Variants in CREBL2 observed in about 807,000 individuals in gnomAD.
CREBL2 encodes the protein cAMP-responsive element-binding protein-like 2.
A neutral mutation model predicts 19.5 loss-of-function variants in CREBL2; 4 were observed. The ratio of observed to expected loss-of-function variants is 0.20; its 90% CI spans 0.10 to 0.47. The LOEUF (loss-of-function observed/expected upper bound fraction) is 0.47. Ranked by LOEUF, CREBL2 falls within the 20% of genes least tolerant of loss-of-function variation. CREBL2 has a pLI of 0.98. For missense variants in CREBL2, 85 were observed against 145.1 expected, an observed-to-expected ratio of 0.59 and a Z score of 2.13; for synonymous variants, 42 against 46.6, an observed-to-expected ratio of 0.90 and a Z score of 0.40.
At chr12:12,616,187 G>A (rs1945310370) in intron 1 of CREBL2, among the ~76,000 whole-genome samples, 1 of 152,074 alleles carries the variant, frequency 6.6e-6, no homozygotes, top group South Asian at 2.1e-4. Flanking sequence ...ACAACTTTCT[G>A]AAAGTCTTCA....
chr12:12,638,779 T>C (rs1945495783), intron 3 of CREBL2, among the ~76,000 whole-genome samples: 1 of 152,220 alleles, frequency 6.6e-6, no homozygotes, highest in Admixed American at 6.5e-5. Context: ...CCTCACCTAA[T>C]CCAGGCTGTC....
intron 1 of CREBL2, among the ~76,000 whole-genome samples, chr12:12,616,638 T>G (rs946556272): frequency 1.3e-5 from 2 of 152,240 alleles, no homozygotes; most frequent in African/African-American, 4.8e-5. Context: ...TGTGAAACTG[T>G]CCTTATATAA....
intron 1 of CREBL2, among the ~76,000 whole-genome samples, chr12:12,624,181 C>G (rs1404095912): frequency 6.6e-6 from 1 of 152,172 alleles, no homozygotes; most frequent in Non-Finnish European, 1.5e-5. Flanking sequence ...GAGGTCTTTT[C>G]TTGAACTCGA....
chr12:12,627,671 T>C (rs1945412756), intron 1 of CREBL2, among the ~76,000 whole-genome samples: 1 of 152,248 alleles, frequency 6.6e-6, no homozygotes, highest in Non-Finnish European at 1.5e-5. Context: ...TCATGAGTAA[T>C]GGTGCTGTGA....
chr12:12,639,791 C>T (rs1267999621), intron 3 of CREBL2, among the ~76,000 whole-genome samples: 1 of 152,148 alleles, frequency 6.6e-6, no homozygotes, highest in African/African-American at 2.4e-5. Flanking sequence ...CCAGGGGTGA[C>T]ATCACATATC....
At position 12,612,126 on chromosome 12, in the gene CREBL2, G is replaced by A. The variant is rs1013557270; in HGVS notation, c.-47G>A. 3 of 1,606,290 alleles carry A rather than the reference G, an allele frequency of 1.9e-6. No individual in the cohort carries two copies. The highest frequency in any genetic ancestry group is 1.7e-5 in the Admixed American group (1 of 59,948). On this transcript the variant is annotated 5_prime_UTR_variant, in exon 1 of 4. Transcript: ENST00000228865. Reference sequence around the variant, plus strand: ...CCGGGCCAGGCCGGCTGAGCCGGGGGAGGGCTCCGGGAGGGAGTGCCTGGC... The same window carrying A: ...CCGGGCCAGGCCGGCTGAGCCGGGGAAGGGCTCCGGGAGGGAGTGCCTGGC...
chr12:12,622,975 T>C (rs1199237682), intron 1 of CREBL2, among the ~76,000 whole-genome samples: 2 of 152,332 alleles, frequency 1.3e-5, no homozygotes, highest in Admixed American at 1.3e-4. Context: ...CTTGAAACTT[T>C]TATTAGTTGC....
Position 12,617,630 on chromosome 12 carries a change from C to G in CREBL2, c.15+5443C>G, listed in dbSNP as rs566452465. 9.6e-4 allele frequency among the ~76,000 whole-genome samples: 70 copies of G among 72,650 alleles called. 1 individual carries two copies. The South Asian group carries it at 0.031, about 32-fold the overall frequency. 47.7% of individuals were successfully genotyped at this position (72,650 alleles called of 152,430 possible). The stretch of plus-strand genomic sequence containing the variant: ...CGGTGCAGTAGGTCCCTGAGATGCT[C>G]ATTTTAGTAATTCTTTTTTTTTTTT... On this transcript the variant is annotated intron_variant, in intron 1 of 3. Coordinates refer to ENST00000228865, the MANE Select transcript of CREBL2 (RefSeq NM_001310.4).
At chr12:12,635,062 T>G (rs1396436419) in intron 1 of CREBL2, among the ~76,000 whole-genome samples, 2 of 150,340 alleles carry the variant, frequency 1.3e-5, no homozygotes, top group African/African-American at 4.9e-5. Flanking sequence ...CGAGAACCTG[T>G]CTCAAAAAAA....
Position 12,642,215 on chromosome 12 carries a change from T to C in CREBL2, c.*217T>C. 2 of 388,338 alleles carry C rather than the reference T, an allele frequency of 5.2e-6. No homozygotes were observed. Among genetic ancestry groups the C allele is most frequent in the Non-Finnish European group, 9.2e-6 (2 of 216,464 alleles). 24.1% of individuals were successfully genotyped at this position (388,338 alleles called of 1,614,324 possible). On this transcript the variant is annotated 3_prime_UTR_variant, in exon 4 of 4. Coordinates refer to ENST00000228865, the MANE Select transcript of CREBL2 (RefSeq NM_001310.4). ...AAATCTACAAACATTCAGACCTGTC[T>C]GGGTTGGTATTGCCACCCATGACAT...
chr12:12,624,897 C>T (rs1945389243), intron 1 of CREBL2, among the ~76,000 whole-genome samples: 1 of 152,128 alleles, frequency 6.6e-6, no homozygotes, highest in East Asian at 1.9e-4. Flanking sequence ...GATTTTATTG[C>T]TGATGAAAGT....
intron 1 of CREBL2, 152 bp from the exon 2 acceptor site, chr12:12,635,625 C>A (rs1945469215): frequency 4.0e-6 from 3 of 755,446 alleles, no homozygotes; most frequent in Non-Finnish European, 6.1e-6. Flanking sequence ...GGGAAAGACC[C>A]AGAAGGCATT....
rs1945268905 is a variant in CREBL2 at position 12,611,915 on chromosome 12, G to C, written c.-258G>C. 1 of 568,902 alleles carries C rather than the reference G, an allele frequency of 1.8e-6. No individual in the cohort carries two copies. The highest frequency in any genetic ancestry group is 1.9e-5 in the African/African-American group (1 of 52,426). 35.2% of individuals were successfully genotyped at this position (568,902 alleles called of 1,614,324 possible). The stretch of plus-strand genomic sequence containing the variant: ...TCCAGAGCGTCTGTAAACACCCAGA[G>C]ACTGTCATGGAGGGGGAGGAGGAGG... On this transcript the variant is annotated 5_prime_UTR_variant, in exon 1 of 4. Transcript: ENST00000228865.
chr12:12,616,432 T>C (rs1280270625), intron 1 of CREBL2, among the ~76,000 whole-genome samples: 2 of 152,232 alleles, frequency 1.3e-5, no homozygotes, highest in African/African-American at 4.8e-5. Flanking sequence ...TATTAATTCA[T>C]TGTTTTTATA....
chr12:12,622,354 A>G (rs1945365912), intron 1 of CREBL2, among the ~76,000 whole-genome samples: 1 of 152,250 alleles, frequency 6.6e-6, no homozygotes, highest in African/African-American at 2.4e-5. Context: ...AAGAGAATAG[A>G]GAGCTAAAGA....
chr12:12,627,793 C>T (rs1471458785), intron 1 of CREBL2, among the ~76,000 whole-genome samples: 1 of 152,158 alleles, frequency 6.6e-6, no homozygotes, highest in Admixed American at 6.5e-5. Context: ...TGAGGAACTG[C>T]CAAAATGTTT....
intron 1 of CREBL2, among the ~76,000 whole-genome samples, chr12:12,633,630 A>C (rs1373945023): frequency 1.3e-5 from 2 of 151,076 alleles, no homozygotes; most frequent in East Asian, 3.9e-4. Context: ...CCCCACAAAA[A>C]TGCTAGATAC....
chr12:12,641,253 A>ATT lies in CREBL2; in HGVS notation c.359-733_359-732dup, dbSNP rs142404101. 6.4e-3 allele frequency among the ~76,000 whole-genome samples: 497 copies of ATT among 78,168 alleles called. 21 individuals carry two copies. Among genetic ancestry groups the ATT allele is most frequent in the East Asian group, 0.012 (41 of 3,304 alleles). The allele number at this position is 78,168 out of a possible 152,430, so 51.3% of individuals were successfully genotyped here. The stretch of plus-strand genomic sequence containing the variant: ...TATTATTATTATTATTATTATTATT[A>ATT]TTTTTTTTTATTTTTTTTTTTTTTA... On this transcript the variant is annotated intron_variant, in intron 3 of 3. Transcript: ENST00000228865.
rs776918485 is a variant in CREBL2 at position 12,635,984 on chromosome 12, C to T, written c.213+10C>T. The T allele has an allele frequency of 1.4e-5, 22 of 1,604,682 alleles. No homozygotes were observed. Among genetic ancestry groups the T allele is most frequent in the African/African-American group, 2.7e-5 (2 of 74,540 alleles). Reference sequence around the variant, plus strand: ...AGAGGAACTGGAAATGGTAAGAAATCGTCAGTAAACACATGAAAAAATCAC... The same window carrying T: ...AGAGGAACTGGAAATGGTAAGAAATTGTCAGTAAACACATGAAAAAATCAC... On this transcript the variant is annotated intron_variant, in intron 2 of 3. Coordinates refer to ENST00000228865, the MANE Select transcript of CREBL2 (RefSeq NM_001310.4).
Sources: allele counts gnomAD v4.1 joint callset (sites outside exome capture counted in the v4.1 genomes callset), GRCh38; gene constraint gnomAD v4.1.1; transcripts MANE v1.5; gene names NCBI Gene and HGNC (gene_info 2026-07-23, HGNC 2026-07-21).